The following ATXN10 variants were observed in gnomAD, a reference collection of about 807,000 sequenced individuals.
ATXN10 encodes the protein ataxin-10.
Under a neutral mutation model 52.9 loss-of-function variants are expected in ATXN10, and 28 were observed. That is an observed-to-expected ratio of 0.53 (90% CI 0.39 to 0.73). The LOEUF (loss-of-function observed/expected upper bound fraction) is 0.73. Ranked by LOEUF, ATXN10 falls within the 30% of genes least tolerant of loss-of-function variation. The pLI, the probability that ATXN10 is intolerant of heterozygous loss-of-function variation, is 0.00. For synonymous variants in ATXN10, 226 were observed against 221.5 expected (o/e 1.02, Z -0.18); for missense variants, 565 against 577.0 (o/e 0.98, Z 0.21).
chr22:45,760,106 C>T (rs1403298812), intron 9 of ATXN10, among the ~76,000 whole-genome samples: 2 of 152,206 alleles, frequency 1.3e-5, no homozygotes, highest in African/African-American at 2.4e-5. Flanking sequence ...CATCCTCCTT[C>T]GTTTGCTTAG....
chr22:45,672,591 G>T (rs1569017681), intron 1 of ATXN10: 1 of 152,794 alleles, frequency 6.5e-6, no homozygotes, highest in East Asian at 1.9e-4. Flanking sequence ...TGTTACGGAC[G>T]CGGGAATTGG....
chr22:45,740,592 G>A, intron 9 of ATXN10, 54 bp downstream of exon 9: 10 of 1,554,746 alleles, frequency 6.4e-6, no homozygotes, highest in Non-Finnish European at 8.9e-6. Context: ...TTAGAATATA[G>A]TCCTTGGAAG....
At position 45,689,888 on chromosome 22, in the gene ATXN10, A is replaced by T; in HGVS notation, c.293A>T (p.Asn98Ile). The stretch of plus-strand genomic sequence containing the variant: ...AATGCTTGCATAGAGTGTTCTGTGA[A>T]CCAGAATTCAATCAGGTAGTTACAC... ...LRNACIECSV[N>I]QNSIRNLDTI... The change falls in exon 2 of 12, where the codon AAC (asparagine) becomes ATC (isoleucine). Residue 98 changes from asparagine to isoleucine, a missense_variant. Asn to Ile is a moderately radical substitution (Grantham distance 149). Coordinates refer to ENST00000252934, the MANE Select transcript of ATXN10 (RefSeq NM_013236.4). The T allele has an allele frequency of 6.2e-7, 1 of 1,614,156 alleles. No homozygotes were observed. Among genetic ancestry groups the T allele is most frequent in the South Asian group, 1.1e-5 (1 of 91,080 alleles).
chr22:45,729,549 A>ACTGTG lies in ATXN10; in HGVS notation c.856_860dup (p.Lys288CysfsTer28). 6.2e-7 allele frequency: 1 copy of ACTGTG among 1,614,178 alleles called. No individual in the cohort carries two copies. The highest frequency in any genetic ancestry group is 8.5e-7 in the Non-Finnish European group (1 of 1,180,032). On this transcript the variant is annotated frameshift_variant, in exon 7 of 12. Transcript: ENST00000252934. LOFTEE classifies it high-confidence loss of function. ...AAGCACCTTTGTGGATCAGTGCAAG[A>ACTGTG]CTGTGCTCAAGCTGGCCTCTGAGGA...
chr22:45,779,853 C>T (rs1327723426), intron 9 of ATXN10, among the ~76,000 whole-genome samples: 1 of 152,094 alleles, frequency 6.6e-6, no homozygotes, highest in East Asian at 1.9e-4. Flanking sequence ...TATTTGGAAA[C>T]ATGCCATTCT....
rs1384895110 is a variant in ATXN10, at chr22:45,828,647, A to T, written c.1238-14344A>T. The stretch of plus-strand genomic sequence containing the variant: ...TACACCATCAGTTTGGATAATGTAA[A>T]TGAAATGGACAAATTCCTAGAAACT... On this transcript the variant is annotated intron_variant, in intron 10 of 11. Transcript: ENST00000252934. The surrounding 1 kb of genome is among the most constrained non-coding windows in gnomAD (Gnocchi z 4.5). Among the ~76,000 whole-genome samples, 1 of 152,212 alleles carries T rather than the reference A, an allele frequency of 6.6e-6. No homozygotes were observed. Among genetic ancestry groups the T allele is most frequent in the Non-Finnish European group, 1.5e-5 (1 of 68,030 alleles).
chr22:45,776,548 C>G (rs16994514), intron 9 of ATXN10, among the ~76,000 whole-genome samples: 9,637 of 151,236 alleles, frequency 0.064, 312 homozygotes, highest in Non-Finnish European at 0.07. Flanking sequence ...TGCTTTAAGG[C>G]AATTAAACTG....
At chr22:45,698,740 C>T (rs1220302850) in intron 3 of ATXN10, among the ~76,000 whole-genome samples, 1 of 152,204 alleles carries the variant, frequency 6.6e-6, no homozygotes. Context: ...TTCTCATCAC[C>T]TTGAAAACGG....
In ATXN10 at chr22:45,786,584, C is replaced by T. The variant is rs1927331319; in HGVS notation, c.1174-20375C>T. On this transcript the variant is annotated intron_variant, in intron 9 of 11. Coordinates refer to ENST00000252934, the MANE Select transcript of ATXN10 (RefSeq NM_013236.4). This position sits in a 1 kb window ranked among gnomAD's most constrained non-coding sequence, Gnocchi z 4.1. ...CTTCCTTACTTAGGTCTCGTACCCACTCCAAGTGCAATGCTGCGGGCACAT... is the reference window on the plus strand; with the variant it reads ...CTTCCTTACTTAGGTCTCGTACCCATTCCAAGTGCAATGCTGCGGGCACAT... Among the ~76,000 whole-genome samples the T allele has an allele frequency of 6.6e-6, 1 of 152,232 alleles. No homozygotes were observed. Among genetic ancestry groups the T allele is most frequent in the Admixed American group, 6.5e-5 (1 of 15,290 alleles).
rs779208822 is a variant in ATXN10, at chr22:45,718,466, T to C, written c.701T>C (p.Met234Thr). The change falls in exon 6 of 12, where the codon ATG becomes ACG. Residue 234 changes from methionine (M) to threonine (T), a missense_variant. Physicochemically the swap from Met to Thr is moderately conservative, Grantham distance 81. Coordinates refer to ENST00000252934, the MANE Select transcript of ATXN10 (RefSeq NM_013236.4). The surrounding 1 kb of genome is among the most constrained non-coding windows in gnomAD (Gnocchi z 4.4). ...AAAAGCCCGGAATTGGTACAAGCCA[T>C]GTTTCCCAAACTGAACAATCAAGAA... ...FLKSPELVQA[M>T]FPKLNNQERV... is the part of the protein sequence containing the mutation. The C allele has an allele frequency of 6.2e-7, 1 of 1,613,782 alleles. No homozygotes were observed. Among genetic ancestry groups the C allele is most frequent in the South Asian group, 1.1e-5 (1 of 91,078 alleles).
rs939819136 is a variant in ATXN10, at chr22:45,787,790, G to A, written c.1174-19169G>A. ...ATACATTTCTGAAAGAAGTTACCCT[G>A]AAAAACAATCAGCGGGCAAATAATT... is the stretch of plus-strand genomic sequence containing the variant. On this transcript the variant is annotated intron_variant, in intron 9 of 11. Coordinates refer to ENST00000252934, the MANE Select transcript of ATXN10 (RefSeq NM_013236.4). The surrounding 1 kb of genome is among the most constrained non-coding windows in gnomAD (Gnocchi z 4.2). Among the ~76,000 whole-genome samples, 2 of 152,160 alleles carry A rather than the reference G, an allele frequency of 1.3e-5. No individual in the cohort carries two copies. Among genetic ancestry groups the A allele is most frequent in the African/African-American group, 2.4e-5 (1 of 41,450 alleles).
intron 9 of ATXN10, among the ~76,000 whole-genome samples, chr22:45,797,615 A>C (rs951726829): frequency 6.6e-6 from 1 of 152,254 alleles, no homozygotes; most frequent in African/African-American, 2.4e-5. Flanking sequence ...CAGTCATCTT[A>C]GTTTCCAACT....
rs369678607 is a variant in ATXN10, at chr22:45,702,984, GAGA to G, written c.647+141_647+143del. 3.9e-4 allele frequency: 436 copies of G among 1,114,150 alleles called. 1 individual carries two copies. The African/African-American group carries it at 6.4e-3, about 16-fold the overall frequency. The allele number at this position is 1,114,150 out of a possible 1,614,324, so 69.0% of individuals were successfully genotyped here. ...AACTTAACATGTGTTGACAGAATTA[GAGA>G]AGATTTTGAGCAGAATCTAGAGAAC... On this transcript the variant is annotated intron_variant, in intron 5 of 11. Transcript: ENST00000252934.
intron 4 of ATXN10, among the ~76,000 whole-genome samples, chr22:45,702,368 A>AT (rs939427946): frequency 6.6e-6 from 1 of 152,222 alleles, no homozygotes; most frequent in Admixed American, 6.5e-5. Context: ...GTACCTGTCG[A>AT]TTTTTTCTTT....
intron 5 of ATXN10, among the ~76,000 whole-genome samples, chr22:45,716,157 T>G (rs1433055328): frequency 6.6e-6 from 1 of 152,064 alleles, no homozygotes; most frequent in Admixed American, 6.5e-5. Context: ...TCTATCTACT[T>G]GAGAGACTGA....
At chr22:45,672,275 GC>G in intron 1 of ATXN10, 96 bp downstream of exon 1, 1 of 1,214,798 alleles carries the variant, frequency 8.2e-7, no homozygotes, top group Non-Finnish European at 1.0e-6. Flanking sequence ...CCCCCGCCTC[GC>G]TGGAGACGCG....
At chr22:45,764,734 C>T (rs1474905039) in intron 9 of ATXN10, among the ~76,000 whole-genome samples, 1 of 152,172 alleles carries the variant, frequency 6.6e-6, no homozygotes, top group Admixed American at 6.5e-5. Flanking sequence ...TAACAACATT[C>T]GTAAACCACG....
At chr22:45,801,278 A>G (rs1387765922) in intron 9 of ATXN10, among the ~76,000 whole-genome samples, 1 of 151,640 alleles carries the variant, frequency 6.6e-6, no homozygotes, top group Non-Finnish European at 1.5e-5. Context: ...ACTTTTTAAA[A>G]CCTCCCCCAA....
chr22:45,735,361 G>A (rs374754775), intron 7 of ATXN10, among the ~76,000 whole-genome samples: 1 of 151,620 alleles, frequency 6.6e-6, no homozygotes, highest in Admixed American at 6.6e-5. Flanking sequence ...TGGTGCAGTC[G>A]TAGCTTGCTA....
Sources: gnomAD v4.1 joint callset for allele counts (sites outside exome capture counted in the v4.1 genomes callset) on GRCh38, gnomAD v4.1.1 for gene constraint, Gnocchi (gnomAD v3.1) non-coding constraint, MANE v1.5 for transcripts, NCBI Gene and HGNC (gene_info 2026-07-23, HGNC 2026-07-21) for gene names.